Variants in LCORL observed in about 807,000 individuals in gnomAD.
The protein encoded by LCORL is ligand dependent nuclear receptor corepressor like.
A neutral mutation model predicts 141.8 loss-of-function variants in LCORL; 41 were observed. The observed-to-expected ratio is 0.29, with a 90% CI of 0.23 to 0.38. LCORL has a LOEUF of 0.38. Among genes scored for constraint, LCORL ranks in the 10% least tolerant of loss-of-function variants. LCORL has a pLI of 1.00. For missense variants in LCORL, 1,759 were observed against 2,035.0 expected (o/e 0.86, Z 2.61); for synonymous variants, 618 against 694.1 (o/e 0.89, Z 1.72).
intron 4 of LCORL, among the ~76,000 whole-genome samples, chr4:17,938,012 T>TTG (rs1737156515): frequency 6.6e-6 from 1 of 150,952 alleles, no homozygotes; most frequent in Admixed American, 6.6e-5. Flanking sequence ...TCTTTTTTTT[T>TTG]TTTTTTTTTG....
intron 4 of LCORL, among the ~76,000 whole-genome samples, chr4:17,935,916 A>G (rs1736779158): frequency 6.6e-6 from 1 of 152,208 alleles, no homozygotes. Context: ...GCAATTTTGG[A>G]ATTAAATCCT....
At chr4:17,882,754 AGT>A in intron 6 of LCORL, 1 of 984,186 alleles carries the variant, frequency 1.0e-6, no homozygotes, top group Non-Finnish European at 1.2e-6. Context: ...CAATAGTAGG[AGT>A]GTGTCACAAT....
intron 5 of LCORL, among the ~76,000 whole-genome samples, chr4:17,901,200 A>G (rs1730811204): frequency 1.3e-5 from 2 of 152,156 alleles, no homozygotes; most frequent in African/African-American, 2.4e-5. Context: ...CATATCCAAG[A>G]CAACCTGCAG....
In LCORL at chr4:17,897,597, T is replaced by A. The variant is rs1016373979; in HGVS notation, c.683-11436A>T. ...GAACTGGTGTGGTGTGTACCTCCAA[T>A]AGAGACTACTAACTCTGGGGGACAC... On this transcript the variant is annotated intron_variant, in intron 5 of 7. Transcript: ENST00000635767. Among the ~76,000 whole-genome samples the A allele has an allele frequency of 1.8e-4, 28 of 152,292 alleles. 1 individual carries two copies. The highest frequency in any genetic ancestry group is 6.0e-4 in the African/African-American group (25 of 41,584).
chr4:17,987,377 G>T (rs980967463), intron 1 of LCORL, among the ~76,000 whole-genome samples: 1 of 152,114 alleles, frequency 6.6e-6, no homozygotes, highest in African/African-American at 2.4e-5. Flanking sequence ...TCATGTTGTA[G>T]CATACATCAG....
intron 5 of LCORL, among the ~76,000 whole-genome samples, chr4:17,896,713 C>G (rs1729984412): frequency 6.6e-6 from 1 of 152,144 alleles, no homozygotes; most frequent in African/African-American, 2.4e-5. Flanking sequence ...AAGCATTTAT[C>G]CTTTGTGTTG....
chr4:17,960,147 G>A (rs1282143276), intron 4 of LCORL: 5 of 154,014 alleles, frequency 3.2e-5, no homozygotes, highest in African/African-American at 4.8e-5. Flanking sequence ...ATTAACAAAG[G>A]CCTAAAATAA....
At chr4:17,959,643 G>C (rs1350610959) in intron 4 of LCORL, among the ~76,000 whole-genome samples, 1 of 152,004 alleles carries the variant, frequency 6.6e-6, no homozygotes, top group Non-Finnish European at 1.5e-5. Context: ...AGTTGGGAAA[G>C]ACAATAAATT....
chr4:17,983,072 T>G (rs1233265474), intron 1 of LCORL, among the ~76,000 whole-genome samples: 1 of 152,202 alleles, frequency 6.6e-6, no homozygotes, highest in African/African-American at 2.4e-5. Flanking sequence ...ATTAGATAGT[T>G]GTAGGTATAT....
chr4:18,012,251 C>T (rs1723925739), intron 1 of LCORL, among the ~76,000 whole-genome samples: 1 of 152,198 alleles, frequency 6.6e-6, no homozygotes, highest in Admixed American at 6.5e-5. Context: ...GCCAAGCCTC[C>T]TGCTCACTCC....
At chr4:17,949,527 G>A (rs944158831) in intron 4 of LCORL, among the ~76,000 whole-genome samples, 2 of 152,040 alleles carry the variant, frequency 1.3e-5, no homozygotes, top group Non-Finnish European at 2.9e-5. Flanking sequence ...CATGGCCAAA[G>A]TTAGTAACTT....
chr4:17,888,389 C>G (rs1308158528), intron 5 of LCORL, among the ~76,000 whole-genome samples: 3 of 152,106 alleles, frequency 2.0e-5, no homozygotes, highest in Non-Finnish European at 4.4e-5. Flanking sequence ...TCATCTCAAA[C>G]CTCACGTCTC....
intron 4 of LCORL, among the ~76,000 whole-genome samples, chr4:17,921,646 A>G (rs1348143200): frequency 6.6e-6 from 1 of 152,076 alleles, no homozygotes; most frequent in African/African-American, 2.4e-5. Context: ...AGGTCTCAAC[A>G]ATGGATGTGA....
intron 1 of LCORL, among the ~76,000 whole-genome samples, chr4:17,996,539 C>A (rs1720946717): frequency 6.6e-6 from 1 of 151,858 alleles, no homozygotes; most frequent in Non-Finnish European, 1.5e-5. Flanking sequence ...ATATATACCT[C>A]CAGGATGGAA....
intron 1 of LCORL, among the ~76,000 whole-genome samples, chr4:17,976,815 C>T (rs1365073761): frequency 6.6e-6 from 1 of 152,092 alleles, no homozygotes; most frequent in African/African-American, 2.4e-5. Flanking sequence ...TAGTTGCTGG[C>T]AAGTTTACAA....
chr4:17,929,640 T>C (rs776146816), intron 4 of LCORL, among the ~76,000 whole-genome samples: 3 of 152,134 alleles, frequency 2.0e-5, no homozygotes, highest in South Asian at 4.1e-4. Context: ...GATCCAAATA[T>C]AGGAGACCAA....
chr4:17,966,135 C>T (rs111371557), intron 2 of LCORL, among the ~76,000 whole-genome samples: 24 of 152,140 alleles, frequency 1.6e-4, no homozygotes, highest in African/African-American at 5.5e-4. Flanking sequence ...ATAATCCCAT[C>T]ATCCGTAGAC....
intron 1 of LCORL, among the ~76,000 whole-genome samples, chr4:17,976,126 A>G (rs751144829): frequency 6.6e-5 from 10 of 152,088 alleles, no homozygotes; most frequent in African/African-American, 2.4e-4. Context: ...TTTTTTTCCA[A>G]TTGTTTAACT....
chr4:17,932,081 A>G (rs1229802322), intron 4 of LCORL, among the ~76,000 whole-genome samples: 1 of 152,132 alleles, frequency 6.6e-6, no homozygotes, highest in Non-Finnish European at 1.5e-5. Flanking sequence ...CATTAGAATT[A>G]ATCTTGGCTT....
Sources: gnomAD v4.1 joint callset for allele counts (sites outside exome capture counted in the v4.1 genomes callset) on GRCh38, gnomAD v4.1.1 for gene constraint, MANE v1.5 for transcripts, NCBI Gene and HGNC (gene_info 2026-07-23, HGNC 2026-07-21) for gene names.